The following GALNTL6 variants were observed in gnomAD, a reference collection of about 807,000 sequenced individuals.
GALNTL6 encodes the protein polypeptide N-acetylgalactosaminyltransferase like 6.
In GALNTL6, 46 loss-of-function variants were observed where a neutral mutation model predicts 73.7. The ratio of observed to expected loss-of-function variants is 0.62; its 90% CI spans 0.49 to 0.80. GALNTL6 has a LOEUF of 0.80. GALNTL6 is among the 30% of genes least tolerant of loss of function. The pLI, the probability that GALNTL6 is intolerant of heterozygous loss-of-function variation, is 0.00. For missense variants in GALNTL6, 604 were observed against 755.0 expected (o/e 0.80, Z 2.34); for synonymous variants, 259 against 263.7 (o/e 0.98, Z 0.17).
At chr4:172,673,315 G>C (rs1248805144) in intron 5 of GALNTL6, among the ~76,000 whole-genome samples, 1 of 152,178 alleles carries the variant, frequency 6.6e-6, no homozygotes, top group Non-Finnish European at 1.5e-5. Context: ...TTTCTAATTT[G>C]ATTGTGCTGT....
intron 9 of GALNTL6, among the ~76,000 whole-genome samples, chr4:172,932,918 TA>T (rs1218431012): frequency 6.6e-6 from 1 of 152,180 alleles, no homozygotes; most frequent in Non-Finnish European, 1.5e-5. Context: ...CCTGCTTTCC[TA>T]ACTAAATTAA....
intron 7 of GALNTL6, among the ~76,000 whole-genome samples, chr4:172,880,259 C>T (rs967722137): frequency 5.9e-5 from 9 of 152,024 alleles, no homozygotes; most frequent in African/African-American, 2.2e-4. Flanking sequence ...CCCAAACGTC[C>T]ATCAACAGGT....
chr4:172,829,823 C>G (rs1188447497), intron 7 of GALNTL6, among the ~76,000 whole-genome samples: 3 of 152,120 alleles, frequency 2.0e-5, no homozygotes, highest in Admixed American at 1.3e-4. Context: ...ATACTTTCTT[C>G]CAGTTTTATT....
chr4:172,926,725 A>G (rs973278731), intron 8 of GALNTL6, among the ~76,000 whole-genome samples: 4 of 152,216 alleles, frequency 2.6e-5, no homozygotes, highest in Non-Finnish European at 4.4e-5. Flanking sequence ...ATCTTTGACC[A>G]ATAAGCACTG....
intron 2 of GALNTL6, among the ~76,000 whole-genome samples, chr4:171,991,412 T>C (rs1220095396): frequency 1.3e-5 from 2 of 152,216 alleles, no homozygotes; most frequent in African/African-American, 4.8e-5. Context: ...TGTGGTGATT[T>C]TTTAAAACTT....
chr4:172,785,997 G>T (rs903792633), intron 5 of GALNTL6, among the ~76,000 whole-genome samples: 2 of 152,088 alleles, frequency 1.3e-5, no homozygotes, highest in African/African-American at 4.8e-5. Context: ...TCATTTAAGG[G>T]AAACCTCAGT....
chr4:172,675,414 A>G (rs1007007154), intron 5 of GALNTL6, among the ~76,000 whole-genome samples: 2 of 152,190 alleles, frequency 1.3e-5, no homozygotes, highest in African/African-American at 4.8e-5. Flanking sequence ...TCCCTGTGGC[A>G]GCTCACCACA....
chr4:172,349,830 A>AAAT (rs1554016266), intron 5 of GALNTL6, among the ~76,000 whole-genome samples: 288 of 99,534 alleles, frequency 2.9e-3, no homozygotes, highest in Middle Eastern at 0.022. Context: ...ATTAAAAAAA[A>AAAT]ATATATATAT....
At chr4:171,956,897 C>T (rs961745616) in intron 2 of GALNTL6, among the ~76,000 whole-genome samples, 2 of 152,144 alleles carry the variant, frequency 1.3e-5, no homozygotes, top group Admixed American at 6.5e-5. Flanking sequence ...GCCAGCCTTC[C>T]GAGTTGTAGA....
intron 5 of GALNTL6, among the ~76,000 whole-genome samples, chr4:172,673,303 G>A (rs917923054): frequency 4.6e-5 from 7 of 152,066 alleles, no homozygotes; most frequent in South Asian, 2.1e-4. Flanking sequence ...TCTTAGTCTC[G>A]ATTTCTAATT....
At chr4:172,103,459 A>G (rs1732580346) in intron 2 of GALNTL6, among the ~76,000 whole-genome samples, 1 of 152,180 alleles carries the variant, frequency 6.6e-6, no homozygotes, top group African/African-American at 2.4e-5. Flanking sequence ...ATTTTATAGT[A>G]TTTTATAGTT....
chr4:172,241,919 A>C (rs907148731), intron 3 of GALNTL6, among the ~76,000 whole-genome samples: 1 of 152,214 alleles, frequency 6.6e-6, no homozygotes, highest in Admixed American at 6.5e-5. Context: ...AAAATAGATT[A>C]GCATTTTTAA....
intron 7 of GALNTL6, among the ~76,000 whole-genome samples, chr4:172,821,444 A>G (rs1446310836): frequency 6.6e-6 from 1 of 152,196 alleles, no homozygotes; most frequent in African/African-American, 2.4e-5. Flanking sequence ...TAAGTGAAGT[A>G]GTTTTGTCAA....
At chr4:172,541,426 T>C (rs1213434158) in intron 5 of GALNTL6, among the ~76,000 whole-genome samples, 1 of 152,158 alleles carries the variant, frequency 6.6e-6, no homozygotes, top group Non-Finnish European at 1.5e-5. Flanking sequence ...TCTGTATGGG[T>C]CTGCAGAAAC....
At chr4:173,002,899 T>A (rs543002400) in intron 10 of GALNTL6, among the ~76,000 whole-genome samples, 2 of 151,936 alleles carry the variant, frequency 1.3e-5, no homozygotes, top group Non-Finnish European at 2.9e-5. Context: ...GCAAACACGG[T>A]ATGGTTCCAT....
intron 5 of GALNTL6, among the ~76,000 whole-genome samples, chr4:172,796,773 ATAT>A (rs1740292039): frequency 1.3e-5 from 2 of 151,798 alleles, no homozygotes; most frequent in South Asian, 4.1e-4. Flanking sequence ...CAGTACAAGA[ATAT>A]TATTAAGAAC....
intron 2 of GALNTL6, among the ~76,000 whole-genome samples, chr4:171,928,424 G>C (rs1259479036): frequency 6.6e-6 from 1 of 152,202 alleles, no homozygotes; most frequent in East Asian, 1.9e-4. Flanking sequence ...AACACAGAAA[G>C]AGTGGTTTTA....
intron 5 of GALNTL6, among the ~76,000 whole-genome samples, chr4:172,465,015 A>G (rs1732756015): frequency 6.6e-6 from 1 of 152,212 alleles, no homozygotes; most frequent in African/African-American, 2.4e-5. Context: ...ATCGTAATGA[A>G]AAAAACAATA....
At chr4:172,917,259 AAAG>A (rs1747570638) in intron 8 of GALNTL6, among the ~76,000 whole-genome samples, 1 of 152,092 alleles carries the variant, frequency 6.6e-6, no homozygotes, top group Non-Finnish European at 1.5e-5. Flanking sequence ...AAGATGGATT[AAAG>A]ACTTAAATGT....
Sources: allele counts gnomAD v4.1 joint callset (sites outside exome capture counted in the v4.1 genomes callset), GRCh38; gene constraint gnomAD v4.1.1; transcripts MANE v1.5; gene names NCBI Gene and HGNC (gene_info 2026-07-23, HGNC 2026-07-21).